Variants in SESN2 observed in about 807,000 individuals in gnomAD.
SESN2 encodes sestrin 2, also known as sestrin-2.
In SESN2, 42 loss-of-function variants were observed where a neutral mutation model predicts 56.0. The ratio of observed to expected loss-of-function variants is 0.75; its 90% CI spans 0.59 to 0.97. The LOEUF is 0.97. SESN2 is among the 50% of genes least tolerant of loss of function. The pLI is 0.00. For synonymous variants in SESN2, 264 were observed against 267.1 expected, an observed-to-expected ratio of 0.99 and a Z score of 0.11; for missense variants, 507 against 649.4, an observed-to-expected ratio of 0.78 and a Z score of 2.38.
intron 1 of SESN2, among the ~76,000 whole-genome samples, chr1:28,268,525 C>T (rs1328761303): frequency 6.6e-6 from 1 of 151,852 alleles, no homozygotes; most frequent in African/African-American, 2.4e-5. Context: ...ATTAGGTGAG[C>T]GTGGTTGTGC....
chr1:28,277,154 A>T (rs1399082667), intron 8 of SESN2, among the ~76,000 whole-genome samples: 1 of 141,528 alleles, frequency 7.1e-6, no homozygotes, highest in Admixed American at 7.1e-5. Context: ...TGATCCGCCC[A>T]CCTTGGCCTC....
intron 1 of SESN2, among the ~76,000 whole-genome samples, chr1:28,261,599 T>C (rs1647376929): frequency 6.6e-6 from 1 of 152,094 alleles, no homozygotes; most frequent in African/African-American, 2.4e-5. Flanking sequence ...CGCACAGCTT[T>C]CTCCAGAGTG....
At chr1:28,270,367 A>AT (rs1446064831) in intron 2 of SESN2, among the ~76,000 whole-genome samples, 1 of 151,622 alleles carries the variant, frequency 6.6e-6, no homozygotes, top group East Asian at 1.9e-4. Context: ...AAAAAAAAAA[A>AT]TTTGTTTCCT....
chr1:28,268,877 G>T (rs955063032), intron 1 of SESN2, among the ~76,000 whole-genome samples: 1 of 152,146 alleles, frequency 6.6e-6, no homozygotes, highest in African/African-American at 2.4e-5. Flanking sequence ...TAAGAAGGTG[G>T]CCTCCTGGAG....
chr1:28,263,581 T>C (rs1376001561), intron 1 of SESN2, among the ~76,000 whole-genome samples: 1 of 152,108 alleles, frequency 6.6e-6, no homozygotes, highest in Non-Finnish European at 1.5e-5. Context: ...ACTTACAGGC[T>C]CTATAAAGGA....
rs964334458 is a variant in SESN2, at chr1:28,278,883, A to G, written c.1212-214A>G. On this transcript the variant is annotated intron_variant, in intron 8 of 9. Coordinates refer to ENST00000253063, the MANE Select transcript of SESN2 (RefSeq NM_031459.5). ...AGTTGGTATTCAATACAGCATGCTC[A>G]TTCTCTGCATTCCTTGACGTGGTCC... Among the ~76,000 whole-genome samples the G allele has an allele frequency of 2.0e-5, 3 of 152,226 alleles. 1 individual carries two copies. The highest frequency in any genetic ancestry group is 7.2e-5 in the African/African-American group (3 of 41,444).
chr1:28,280,999 G>A lies in SESN2; in HGVS notation c.*197G>A. On this transcript the variant is annotated 3_prime_UTR_variant, in exon 10 of 10. Coordinates refer to ENST00000253063, the MANE Select transcript of SESN2 (RefSeq NM_031459.5). Reference sequence around the variant, plus strand: ...TCATTGCACTGACTCTGGGATCTCAGCCCTGCTCCTGGGAGCTGGAAGAGC... The same window carrying A: ...TCATTGCACTGACTCTGGGATCTCAACCCTGCTCCTGGGAGCTGGAAGAGC... 1 of 544,022 alleles carries A rather than the reference G, an allele frequency of 1.8e-6. No homozygotes were observed. Among genetic ancestry groups the A allele is most frequent in the Non-Finnish European group, 3.3e-6 (1 of 303,680 alleles). The allele number at this position is 544,022 out of a possible 1,614,324, so 33.7% of individuals were successfully genotyped here.
rs144703208 is a variant in SESN2 at position 28,264,465 on chromosome 1, T to C, written c.90+4528T>C. Among the ~76,000 whole-genome samples the C allele has an allele frequency of 2.1e-3, 326 of 152,354 alleles. 1 individual carries two copies. Among genetic ancestry groups the C allele is most frequent in the African/African-American group, 7.5e-3 (310 of 41,590 alleles). ...AGTGTTCCTGTTGCCCCATGTGATCTGTTTAGTTGAAATTATAAAAATACC... is the reference window on the plus strand; with the variant it reads ...AGTGTTCCTGTTGCCCCATGTGATCCGTTTAGTTGAAATTATAAAAATACC... On this transcript the variant is annotated intron_variant, in intron 1 of 9. Transcript: ENST00000253063.
chr1:28,273,220 C>G (rs2149039080), intron 5 of SESN2, 138 bp from the exon 6 acceptor site: 1 of 749,008 alleles, frequency 1.3e-6, no homozygotes, highest in African/African-American at 1.8e-5. Context: ...CATGTGCTGT[C>G]CAGCACAGTG....
chr1:28,260,520 G>A (rs963425994), intron 1 of SESN2, among the ~76,000 whole-genome samples: 2 of 151,964 alleles, frequency 1.3e-5, no homozygotes, highest in African/African-American at 4.8e-5. Flanking sequence ...GGGGCTCTGG[G>A]GGCTTGGCGG....
chr1:28,273,207 C>CTT (rs1647852215), intron 5 of SESN2, 151 bp from the exon 6 acceptor site: 3 of 627,710 alleles, frequency 4.8e-6, no homozygotes, highest in Non-Finnish European at 7.8e-6. Flanking sequence ...GAAGCACAGA[C>CTT]CCCATGTGCT....
At chr1:28,273,869 AC>A (rs1647910504) in intron 6 of SESN2, among the ~76,000 whole-genome samples, 170 bp from the exon 7 acceptor site, 2 of 151,454 alleles carry the variant, frequency 1.3e-5, no homozygotes, top group Non-Finnish European at 2.9e-5. Context: ...GGCCTGATCC[AC>A]CCCCTCCCCA....
At chr1:28,263,235 CCT>C (rs1647442455) in intron 1 of SESN2, among the ~76,000 whole-genome samples, 1 of 152,178 alleles carries the variant, frequency 6.6e-6, no homozygotes, top group Non-Finnish European at 1.5e-5. Flanking sequence ...CCTTTCTGAG[CCT>C]CTCTGACCTG....
At chr1:28,278,986 C>T (rs1648141172) in intron 8 of SESN2, 111 bp from the exon 9 acceptor site, 1 of 1,058,630 alleles carries the variant, frequency 9.4e-7, no homozygotes, top group Non-Finnish European at 1.4e-6. Context: ...TTGCTTCTAC[C>T]TTCTGATTTT....
At chr1:28,276,261 A>G (rs1433451025) in intron 8 of SESN2, among the ~76,000 whole-genome samples, 1 of 152,130 alleles carries the variant, frequency 6.6e-6, no homozygotes, top group Non-Finnish European at 1.5e-5. Context: ...GGAGGATTAC[A>G]TGAGGCCAGG....
rs777013128 is a variant in SESN2, at chr1:28,272,282, A to G, written c.355-2A>G. 1 of 1,613,666 alleles carries G rather than the reference A, an allele frequency of 6.2e-7. No individual in the cohort carries two copies. Among genetic ancestry groups the G allele is most frequent in the Non-Finnish European group, 8.5e-7 (1 of 1,179,816 alleles). On this transcript the variant is annotated splice_acceptor_variant, in intron 3 of 9. Transcript: ENST00000253063. LOFTEE classifies it high-confidence loss of function. ...CTCAGGCTGTGTCCACTACCTCCGC[A>G]GGCTGCCGCCCGCCATCAGTGTTCT... is the stretch of plus-strand genomic sequence containing the variant.
chr1:28,263,463 A>AC (rs1431753228), intron 1 of SESN2, among the ~76,000 whole-genome samples: 1 of 152,006 alleles, frequency 6.6e-6, no homozygotes, highest in African/African-American at 2.4e-5. Flanking sequence ...TCAGGCATAA[A>AC]CCCAGGAAAA....
In SESN2 at chr1:28,272,567, C is replaced by T; in HGVS notation, c.538-14C>T. The T allele has an allele frequency of 6.2e-7, 1 of 1,613,686 alleles. No homozygotes were observed. The highest frequency in any genetic ancestry group is 2.2e-5 in the East Asian group (1 of 44,884). ...GCACTGAGCAGCTCTGACCTCCCCCCTTGTCCCTTCCAGGCCTTGCTGAAG... is the reference window on the plus strand; with the variant it reads ...GCACTGAGCAGCTCTGACCTCCCCCTTTGTCCCTTCCAGGCCTTGCTGAAG... On this transcript the variant is annotated splice_polypyrimidine_tract_variant and intron_variant, in intron 4 of 9. Coordinates refer to ENST00000253063, the MANE Select transcript of SESN2 (RefSeq NM_031459.5).
intron 9 of SESN2, 102 bp downstream of exon 9, chr1:28,279,343 CTG>C: frequency 1.6e-6 from 2 of 1,238,102 alleles, no homozygotes; most frequent in Non-Finnish European, 2.3e-6. Context: ...TGAGTCTGTC[CTG>C]CTAGGTGGGA....
Sources: gnomAD v4.1 joint callset for allele counts (sites outside exome capture counted in the v4.1 genomes callset) on GRCh38, gnomAD v4.1.1 for gene constraint, MANE v1.5 for transcripts, NCBI Gene and HGNC (gene_info 2026-07-23, HGNC 2026-07-21) for gene names.